Variants in TNRC6C observed in about 807,000 individuals in gnomAD.
TNRC6C encodes the protein trinucleotide repeat-containing gene 6C protein.
Under a neutral mutation model 153.7 loss-of-function variants are expected in TNRC6C, and 20 were observed. The observed-to-expected ratio is 0.13, with a 90% confidence interval of 0.09 to 0.19. The LOEUF (loss-of-function observed/expected upper bound fraction) is 0.19. Among genes scored for constraint, TNRC6C ranks in the 10% least tolerant of loss-of-function variants. The pLI, the probability that TNRC6C is intolerant of heterozygous loss-of-function variation, is 1.00. For synonymous variants in TNRC6C, 811 were observed against 841.4 expected (o/e 0.96, Z 0.63); for missense variants, 1,987 against 2,172.0 (o/e 0.91, Z 1.69).
At chr17:78,103,338 A>G in intron 18 of TNRC6C, 76 bp from the exon 22 acceptor site, 1 of 1,551,760 alleles carries the variant, frequency 6.4e-7, no homozygotes, top group Non-Finnish European at 8.8e-7. Context: ...CCAATTTCAT[A>G]CGTTTTTTCT....
chr17:78,026,801 C>T (rs2143642969), intron 1 of TNRC6C, among the ~76,000 whole-genome samples: 1 of 152,228 alleles, frequency 6.6e-6, no homozygotes, highest in South Asian at 2.1e-4. Flanking sequence ...TCTTACAGTA[C>T]TCCAGCTAAG....
exon 20 of TNRC6C, chr17:78,105,113 A>ATTT (rs57885030): frequency 2.5e-4 from 74 of 295,962 alleles, no homozygotes; most frequent in Non-Finnish European, 3.6e-4. Context: ...TGTCATTTTG[A>ATTT]TTTTTTTTTT....
At chr17:78,021,561 T>A (rs923260765) in intron 1 of TNRC6C, among the ~76,000 whole-genome samples, 2 of 148,580 alleles carry the variant, frequency 1.3e-5, no homozygotes, top group Non-Finnish European at 2.9e-5. Context: ...TGGAATAGGT[T>A]ATTTATTTTT....
chr17:78,091,179 A>G (rs1195626721), intron 13 of TNRC6C, among the ~76,000 whole-genome samples: 1 of 152,150 alleles, frequency 6.6e-6, no homozygotes, highest in African/African-American at 2.4e-5. Flanking sequence ...ACCAGCACTA[A>G]AAGTTATAGT....
chr17:78,104,472 C>T lies in TNRC6C; in HGVS notation c.4713-13C>T. Reference sequence around the variant, plus strand: ...GGGTGGCCCTGTTCACGTGCCCCATCTTGCTGTTGCAGGTGCGTCCTGGGA... The same window carrying T: ...GGGTGGCCCTGTTCACGTGCCCCATTTTGCTGTTGCAGGTGCGTCCTGGGA... On this transcript the variant is annotated splice_polypyrimidine_tract_variant and intron_variant, in intron 19 of 19. Transcript: ENST00000301624. This position sits in a 1 kb window ranked among gnomAD's most constrained non-coding sequence, Gnocchi z 6.2. 6.8e-7 allele frequency: 1 copy of T among 1,481,206 alleles called. No individual in the cohort carries two copies. Among genetic ancestry groups the T allele is most frequent in the Non-Finnish European group, 9.0e-7 (1 of 1,112,622 alleles). The allele number at this position is 1,481,206 out of a possible 1,614,324, so 91.8% of individuals were successfully genotyped here.
intron 1 of TNRC6C, among the ~76,000 whole-genome samples, chr17:77,976,786 G>A (rs1273042329): frequency 6.6e-6 from 1 of 151,874 alleles, no homozygotes; most frequent in African/African-American, 2.4e-5. Context: ...AAAATTATCT[G>A]GGCGTGGTGG....
intron 1 of TNRC6C, among the ~76,000 whole-genome samples, chr17:77,970,625 TTA>T (rs941594676): frequency 6.6e-6 from 1 of 152,114 alleles, no homozygotes; most frequent in African/African-American, 2.4e-5. Flanking sequence ...CCAAAACAAA[TTA>T]ATAAACTTTC....
chr17:78,100,941 A>G (rs2073582758), intron 17 of TNRC6C, among the ~76,000 whole-genome samples: 1 of 151,608 alleles, frequency 6.6e-6, no homozygotes. Context: ...ATGCCCAGCT[A>G]ATTTTTGTAT....
upstream of TNRC6C, among the ~76,000 whole-genome samples, chr17:78,001,867 T>G (rs577943095): frequency 6.6e-5 from 10 of 152,004 alleles, no homozygotes; most frequent in Non-Finnish European, 1.2e-4. Context: ...AAAGCAAATA[T>G]TGTCCTGGGG....
chr17:77,983,137 T>G (rs1162208657), intron 1 of TNRC6C, among the ~76,000 whole-genome samples: 1 of 152,206 alleles, frequency 6.6e-6, no homozygotes, highest in African/African-American at 2.4e-5. Context: ...TACTTAATGG[T>G]AAAACCCTGA....
chr17:78,054,478 GCCACTGCAGACTACTGTACA>G (rs1466986400), intron 3 of TNRC6C, among the ~76,000 whole-genome samples: 1 of 142,638 alleles, frequency 7.0e-6, no homozygotes, highest in East Asian at 2.1e-4. Context: ...ACTACTGCAC[GCCACTGCAGACTACTGTACA>G]CCACTGCAAA....
rs1306427710 is a variant in TNRC6C, at chr17:77,992,422, C to T, written c.-37-11748C>T. ...CTGAGGCAGGAGAATGGCGTGAACC[C>T]GGGAGGCGGAGCTTGCAGTGAGTCG... On this transcript the variant is annotated intron_variant, in intron 1 of 22. Coordinates refer to the TNRC6C transcript ENST00000636222. Among the ~76,000 whole-genome samples, 4 of 55,620 alleles carry T rather than the reference C, an allele frequency of 7.2e-5. 1 individual carries two copies. The highest frequency in any genetic ancestry group is 1.2e-4 in the Non-Finnish European group (4 of 32,904). 36.5% of individuals were successfully genotyped at this position (55,620 alleles called of 152,430 possible). A position where few individuals can be genotyped will look rare whatever the true frequency, so the allele number is the denominator to read the frequency against.
chr17:77,969,606 G>A (rs942210728), intron 1 of TNRC6C, among the ~76,000 whole-genome samples: 1 of 151,960 alleles, frequency 6.6e-6, no homozygotes, highest in African/African-American at 2.4e-5. Context: ...TTGATCTGTG[G>A]CATCTGACCT....
In TNRC6C at chr17:78,048,032, G is replaced by C. The variant is rs184154978; in HGVS notation, c.-218-813G>C. Among the ~76,000 whole-genome samples the C allele has an allele frequency of 2.1e-3, 319 of 152,190 alleles. 2 individuals carry two copies. The highest frequency in any genetic ancestry group is 0.017 in the East Asian group (89 of 5,188). Reference sequence around the variant, plus strand: ...TATTCTAGGGATCTCCAAAGAAAAGGCTCTAAAGAAATAGAAAACAAGGAT... The same window carrying C: ...TATTCTAGGGATCTCCAAAGAAAAGCCTCTAAAGAAATAGAAAACAAGGAT... On this transcript the variant is annotated intron_variant, in intron 2 of 19. Coordinates refer to ENST00000301624, the Ensembl canonical transcript of TNRC6C.
chr17:77,989,872 A>T (rs2071223826), intron 1 of TNRC6C, among the ~76,000 whole-genome samples: 1 of 151,910 alleles, frequency 6.6e-6, no homozygotes, highest in Non-Finnish European at 1.5e-5. Context: ...CTCCCTTCCT[A>T]CCTGATCTCA....
intron 1 of TNRC6C, among the ~76,000 whole-genome samples, chr17:77,969,411 A>C (rs1341050393): frequency 1.3e-5 from 2 of 151,892 alleles, no homozygotes; most frequent in Non-Finnish European, 2.9e-5. Flanking sequence ...CACCATGCCC[A>C]GCTAATTTTT....
intron 13 of TNRC6C, 86 bp from the exon 16 acceptor site, chr17:78,091,354 G>A (rs1441364843): frequency 8.2e-6 from 11 of 1,345,524 alleles, no homozygotes; most frequent in African/African-American, 4.5e-5. Flanking sequence ...TGCTGTAAGC[G>A]AAGACTGAAA....
At chr17:78,047,088 C>A (rs369894779) in intron 2 of TNRC6C, among the ~76,000 whole-genome samples, 53 of 152,124 alleles carry the variant, frequency 3.5e-4, no homozygotes, top group Non-Finnish European at 6.5e-4. Flanking sequence ...AGTCAAGAGG[C>A]AGCCTGCCTT....
chr17:78,026,412 A>G (rs2071942364), intron 1 of TNRC6C, among the ~76,000 whole-genome samples: 1 of 152,278 alleles, frequency 6.6e-6, no homozygotes, highest in South Asian at 2.1e-4. Flanking sequence ...TGACTCTGAC[A>G]TTATCAATTG....
Sources: allele counts gnomAD v4.1 joint callset (sites outside exome capture counted in the v4.1 genomes callset), GRCh38; gene constraint gnomAD v4.1.1; non-coding constraint Gnocchi (gnomAD v3.1); transcripts MANE v1.5; gene names NCBI Gene and HGNC (gene_info 2026-07-23, HGNC 2026-07-21).